Variants in BBC3 observed in about 807,000 individuals in gnomAD.
The protein encoded by BBC3 is bcl-2-binding component 3.
BBC3 carries 5 observed loss-of-function variants against 18.2 expected under a neutral mutation model. The ratio of observed to expected loss-of-function variants is 0.27; its 90% CI spans 0.14 to 0.58. The LOEUF is 0.58. Among genes scored for constraint, BBC3 ranks in the 20% least tolerant of loss-of-function variants. The pLI is 0.91. For missense variants in BBC3, 224 were observed against 268.9 expected (o/e 0.83, Z 1.17); for synonymous variants, 119 against 128.0 (o/e 0.93, Z 0.47).
At chr19:47,222,065 G>A (rs972769998) in intron 3 of BBC3, 147 bp from the exon 4 acceptor site, 10 of 671,160 alleles carry the variant, frequency 1.5e-5, no homozygotes, top group Admixed American at 1.4e-4. Flanking sequence ...TCCATGTCTC[G>A]GAGGTCACAT....
chr19:47,221,683 G>A lies in BBC3; in HGVS notation c.*119C>T. ...CCCGGCCCGCCCCCGGGACAGGCAGGGCTGGGAGTCCAGTATGCTACATGG... is the reference window on the plus strand; with the variant it reads ...CCCGGCCCGCCCCCGGGACAGGCAGAGCTGGGAGTCCAGTATGCTACATGG... On this transcript the variant is annotated 3_prime_UTR_variant, in exon 4 of 4. Transcript: ENST00000439096. 1 of 1,543,918 alleles carries A rather than the reference G, an allele frequency of 6.5e-7. No homozygotes were observed. The highest frequency in any genetic ancestry group is 8.7e-7 in the Non-Finnish European group (1 of 1,151,582).
In BBC3 at chr19:47,221,682, G is replaced by T. The variant is rs2058753157; in HGVS notation, c.*120C>A. On this transcript the variant is annotated 3_prime_UTR_variant, in exon 4 of 4. Transcript: ENST00000439096. ...CCCCGGCCCGCCCCCGGGACAGGCAGGGCTGGGAGTCCAGTATGCTACATG... is the reference window on the plus strand; with the variant it reads ...CCCCGGCCCGCCCCCGGGACAGGCATGGCTGGGAGTCCAGTATGCTACATG... 6.5e-7 allele frequency: 1 copy of T among 1,542,608 alleles called. No homozygotes were observed.
At chr19:47,226,797 C>G (rs2123379000) in intron 2 of BBC3, 43 bp from the exon 3 acceptor site, 1 of 1,361,816 alleles carries the variant, frequency 7.3e-7, no homozygotes, top group South Asian at 1.6e-5. Flanking sequence ...ACCACCCCTC[C>G]AGGCCTCGAG....
At chr19:47,225,880 G>A (rs963789622) in intron 3 of BBC3, among the ~76,000 whole-genome samples, 1 of 152,198 alleles carries the variant, frequency 6.6e-6, no homozygotes, top group Admixed American at 6.5e-5. Flanking sequence ...GATGCAAGGA[G>A]GGGGAAGGGA....
chr19:47,225,502 C>T (rs900743965), intron 3 of BBC3, among the ~76,000 whole-genome samples: 2 of 150,644 alleles, frequency 1.3e-5, no homozygotes, highest in Non-Finnish European at 1.5e-5. Context: ...GACTACAGGC[C>T]CGCGCCACCA....
At chr19:47,231,296 G>A, upstream of BBC3, 1 of 731,620 alleles carries the variant, frequency 1.4e-6, no homozygotes, top group Non-Finnish European at 1.7e-6. The surrounding 1 kb of genome is among the most constrained non-coding windows in gnomAD (Gnocchi z 4.0). Context: ...CCCGCGTGAC[G>A]CTACGGCCCC....
chr19:47,229,917 G>A (rs1428242855), intron 1 of BBC3, among the ~76,000 whole-genome samples: 1 of 151,994 alleles, frequency 6.6e-6, no homozygotes, highest in Non-Finnish European at 1.5e-5. Context: ...CTGGGCAAAA[G>A]ACACATGCCC....
rs772380111 is a variant in BBC3, at chr19:47,226,658, G to C, written c.371C>G (p.Pro124Arg). Residue 124 changes from proline to arginine, a missense_variant, in exon 3 of 4, where the codon CCG becomes CGG. Coordinates refer to ENST00000439096, the MANE Select transcript of BBC3 (RefSeq NM_014417.5). ...CTGTTCCTCCTCCCCGCGGACTCCC[G>C]GGGCCGCCTGGGTGGGACCGCCCGC... is the stretch of plus-strand genomic sequence containing the variant. ...ALAGGPTQAAPGVRGEEEQWA... is the reference protein window; with the variant it reads ...ALAGGPTQAARGVRGEEEQWA... 15 of 1,526,646 alleles carry C rather than the reference G, an allele frequency of 9.8e-6. No homozygotes were observed. The highest frequency in any genetic ancestry group is 1.2e-5 in the Non-Finnish European group (14 of 1,137,854). The allele number at this position is 1,526,646 out of a possible 1,614,324, so 94.6% of individuals were successfully genotyped here. A position where few individuals can be genotyped will look rare whatever the true frequency, so the allele number is the denominator to read the frequency against.
intron 2 of BBC3, among the ~76,000 whole-genome samples, chr19:47,227,432 C>T (rs1189820835): frequency 6.6e-6 from 1 of 151,180 alleles, no homozygotes; most frequent in Non-Finnish European, 1.5e-5. Context: ...CATCTGTGAC[C>T]TTGGCCTTGA....
rs755414185 is a variant in BBC3, at chr19:47,221,789, C to A, written c.*13G>T. ...CCCCGAGTCCCTGACGTCCACCGGG[C>A]GGGTGCAGGCACCTAATTGGGCTCC... On this transcript the variant is annotated 3_prime_UTR_variant, in exon 4 of 4. Transcript: ENST00000439096. The A allele has an allele frequency of 9.9e-6, 16 of 1,609,588 alleles. No individual in the cohort carries two copies. Among genetic ancestry groups the A allele is most frequent in the Non-Finnish European group, 1.4e-5 (16 of 1,178,654 alleles).
At position 47,230,333 on chromosome 19, in the gene BBC3, T is replaced by A. The variant is rs1226005342; in HGVS notation, c.-16+596A>T. 2.6e-5 allele frequency among the ~76,000 whole-genome samples: 4 copies of A among 151,342 alleles called. No individual in the cohort carries two copies. The highest frequency in any genetic ancestry group is 5.9e-5 in the Non-Finnish European group (4 of 67,810). ...CGCGCACACACCCAGGCGAGACACC[T>A]GCAGATCCACAACCCCGCACACGCG... On this transcript the variant is annotated intron_variant, in intron 1 of 3. Transcript: ENST00000439096. The surrounding 1 kb of genome is among the most constrained non-coding windows in gnomAD (Gnocchi z 6.7).
chr19:47,227,916 G>A (rs1021132997), intron 2 of BBC3, among the ~76,000 whole-genome samples: 1 of 152,146 alleles, frequency 6.6e-6, no homozygotes, highest in Non-Finnish European at 1.5e-5. Context: ...AAGAGACAGT[G>A]GGCTGCAATT....
At position 47,226,732 on chromosome 19, in the gene BBC3, CAGCGAG is replaced by C. The variant is rs1406277881; in HGVS notation, c.291_296del (p.Ser98_Leu99del). 7.1e-7 allele frequency: 1 copy of C among 1,413,062 alleles called. No individual in the cohort carries two copies. The highest frequency in any genetic ancestry group is 3.1e-5 in the Admixed American group (1 of 32,052). The allele number at this position is 1,413,062 out of a possible 1,614,324, so 87.5% of individuals were successfully genotyped here. On this transcript the variant is annotated inframe_deletion, in exon 3 of 4. Coordinates refer to ENST00000439096, the MANE Select transcript of BBC3 (RefSeq NM_014417.5). Reference sequence around the variant, plus strand: ...CGGGCGACTCCAGGTGCTGCTCCGCCAGCGAGAGCGAGGGCTGAGGACCTTGGAGAG... The same window carrying C: ...CGGGCGACTCCAGGTGCTGCTCCGCCAGCGAGGGCTGAGGACCTTGGAGAG...
intron 3 of BBC3, among the ~76,000 whole-genome samples, chr19:47,225,068 C>G (rs1396540042): frequency 6.6e-6 from 1 of 152,120 alleles, no homozygotes; most frequent in Non-Finnish European, 1.5e-5. Context: ...TGTGCCACCA[C>G]GCCTGGCTAA....
intron 1 of BBC3, among the ~76,000 whole-genome samples, chr19:47,229,928 C>G (rs1243117032): frequency 6.6e-6 from 1 of 152,042 alleles, no homozygotes; most frequent in African/African-American, 2.4e-5. Context: ...ACACATGCCC[C>G]GGAGATACAG....
upstream of BBC3, chr19:47,232,590 T>A: frequency 1.3e-6 from 2 of 1,535,660 alleles, no homozygotes; most frequent in Non-Finnish European, 1.8e-6. Flanking sequence ...GCAGACCCCA[T>A]GCCAAATTTC....
intron 3 of BBC3, 144 bp downstream of exon 3, chr19:47,226,420 C>A (rs2058822249): frequency 1.8e-6 from 1 of 549,358 alleles, no homozygotes; most frequent in Non-Finnish European, 2.9e-6. Flanking sequence ...CGATTCCCCC[C>A]CACCCACTTA....
At chr19:47,223,196 G>T (rs991006198) in intron 3 of BBC3, among the ~76,000 whole-genome samples, 33 of 152,042 alleles carry the variant, frequency 2.2e-4, no homozygotes, top group South Asian at 1.5e-3. Flanking sequence ...GCGTGAACCC[G>T]GTAGGTGGAG....
At chr19:47,231,267 G>T, upstream of BBC3, 1 of 836,638 alleles carries the variant, frequency 1.2e-6, no homozygotes, top group Non-Finnish European at 1.4e-6. This position sits in a 1 kb window ranked among gnomAD's most constrained non-coding sequence, Gnocchi z 4.0. Context: ...CCCCCGCCCG[G>T]CGGGTCCCAC....
Sources: gnomAD v4.1 joint callset for allele counts (sites outside exome capture counted in the v4.1 genomes callset) on GRCh38, gnomAD v4.1.1 for gene constraint, Gnocchi (gnomAD v3.1) non-coding constraint, MANE v1.5 for transcripts, NCBI Gene and HGNC (gene_info 2026-07-23, HGNC 2026-07-21) for gene names.